Variants in DMD observed in about 807,000 individuals in gnomAD.
DMD encodes the protein dystrophin.
A neutral mutation model predicts 330.1 loss-of-function variants in DMD; 63 were observed. The ratio of observed to expected loss-of-function variants is 0.19; its 90% confidence interval spans 0.16 to 0.24. The LOEUF is 0.24. Among genes scored for constraint, DMD ranks in the 10% least tolerant of loss-of-function variants. DMD has a pLI of 1.00. For missense variants in DMD, 3,344 were observed against 2,684.1 expected (o/e 1.25, Z -5.43); for synonymous variants, 1,223 against 959.8 (o/e 1.27, Z -5.07).
chrX:32,534,157 G>A (rs1176280968), intron 17 of DMD, among the ~76,000 whole-genome samples: 3 of 111,991 alleles, frequency 2.7e-5, no homozygotes, highest in Admixed American at 9.4e-5. Flanking sequence ...CTTATTTCTC[G>A]CAGTTCTATA....
intron 1 of DMD, among the ~76,000 whole-genome samples, chrX:33,170,896 C>T (rs1603382222): frequency 9.0e-6 from 1 of 111,604 alleles, no homozygotes; most frequent in East Asian, 2.8e-4. Flanking sequence ...CCGTGGATGT[C>T]CCATTGATCC....
intron 44 of DMD, among the ~76,000 whole-genome samples, chrX:32,156,017 C>CACACACACA: frequency 1.0e-5 from 1 of 100,179 alleles, no homozygotes; most frequent in Non-Finnish European, 2.0e-5. Flanking sequence ...CACACACACA[C>CACACACACA]CTGTATAGCT....
intron 1 of DMD, among the ~76,000 whole-genome samples, chrX:33,260,089 A>C (rs1013761384): frequency 2.7e-5 from 3 of 110,858 alleles, no homozygotes; most frequent in African/African-American, 9.8e-5. Flanking sequence ...AAGGAGTACA[A>C]TTGCTAGATC....
chrX:32,736,324 T>G (rs1452476805), intron 7 of DMD, among the ~76,000 whole-genome samples: 1 of 111,497 alleles, frequency 9.0e-6, no homozygotes, highest in East Asian at 2.8e-4. Flanking sequence ...GGTGGGACTG[T>G]AAACTAGTTC....
intron 60 of DMD, among the ~76,000 whole-genome samples, chrX:31,361,465 T>C (rs2058931450): frequency 9.0e-6 from 1 of 111,204 alleles, no homozygotes; most frequent in South Asian, 3.8e-4. Context: ...TTTGAACTGA[T>C]AGTCTCTGTG....
At chrX:32,134,626 G>A (rs1393336641) in intron 44 of DMD, among the ~76,000 whole-genome samples, 2 of 111,287 alleles carry the variant, frequency 1.8e-5, no homozygotes, top group Non-Finnish European at 3.8e-5. Context: ...ACGGTGACAT[G>A]GTTTTAAAGA....
chrX:32,733,354 C>T (rs1185480823), intron 7 of DMD, among the ~76,000 whole-genome samples: 21 of 109,479 alleles, frequency 1.9e-4, no homozygotes, highest in South Asian at 4.0e-4. Flanking sequence ...GACAGATCAA[C>T]GAGACAGAAA....
At chrX:32,087,732 A>G (rs909325708) in intron 44 of DMD, among the ~76,000 whole-genome samples, 1 of 112,169 alleles carries the variant, frequency 8.9e-6, no homozygotes, top group African/African-American at 3.2e-5. Flanking sequence ...TTGTAGCTTA[A>G]AAGCCAATCT....
At chrX:31,146,168 T>C in intron 76 of DMD, 123 bp downstream of exon 76, 3 of 881,266 alleles carry the variant, frequency 3.4e-6, no homozygotes, top group Non-Finnish European at 5.0e-6. Flanking sequence ...GCCTGGTATA[T>C]GATTTTCAGT....
intron 9 of DMD, among the ~76,000 whole-genome samples, chrX:32,656,732 C>T (rs901388377): frequency 9.0e-6 from 1 of 111,596 alleles, no homozygotes; most frequent in Admixed American, 9.6e-5. Flanking sequence ...TGTAGGAAGG[C>T]GGGGACACTG....
At chrX:32,804,143 G>A (rs1286778398) in intron 7 of DMD, among the ~76,000 whole-genome samples, 1 of 111,534 alleles carries the variant, frequency 9.0e-6, no homozygotes, top group Non-Finnish European at 1.9e-5. Context: ...CACTCCCCTG[G>A]AAAGGGGGCT....
At chrX:32,862,556 C>A (rs2082146915) in intron 2 of DMD, among the ~76,000 whole-genome samples, 1 of 111,402 alleles carries the variant, frequency 9.0e-6, no homozygotes, top group Non-Finnish European at 1.9e-5. Context: ...GGTCAGTACT[C>A]ATTCATTTTA....
chrX:32,238,463 GA>G (rs2097196159), intron 43 of DMD, among the ~76,000 whole-genome samples: 1 of 110,904 alleles, frequency 9.0e-6, no homozygotes, highest in Non-Finnish European at 1.9e-5. Context: ...GAGAGAGAGA[GA>G]GAGAGAGAGA....
chrX:32,686,534 G>T (rs761908289), intron 9 of DMD, among the ~76,000 whole-genome samples: 2 of 93,001 alleles, frequency 2.2e-5, no homozygotes, highest in Non-Finnish European at 4.1e-5. Context: ...ACTTCAGCCG[G>T]GGCAACAGAG....
At chrX:32,664,295 G>T (rs1465755281) in intron 9 of DMD, among the ~76,000 whole-genome samples, 1 of 100,056 alleles carries the variant, frequency 1.0e-5, no homozygotes, top group South Asian at 5.2e-4. Flanking sequence ...AGGCTGGAGT[G>T]CAGTAGCGCG....
rs202161445 is a variant in DMD, at chrX:32,185,787, G to GA, written c.6438+31128dup. 6.5e-3 allele frequency among the ~76,000 whole-genome samples: 713 copies of GA among 110,426 alleles called. 8 individuals are homozygous for GA. The highest frequency in any genetic ancestry group is 0.021 in the African/African-American group (647 of 30,333). ...ACACATCCAAAAAGTGTATAGCATG[G>GA]AAAAATTCAATAATGTATAGCACAG... On this transcript the variant is annotated intron_variant, in intron 44 of 78. Transcript: ENST00000357033.
intron 55 of DMD, among the ~76,000 whole-genome samples, chrX:31,626,803 AAT>A (rs2078874921): frequency 8.9e-6 from 1 of 112,350 alleles, no homozygotes; most frequent in Non-Finnish European, 1.9e-5. Flanking sequence ...ATAGTTTCAT[AAT>A]AGTTTTTCAT....
intron 7 of DMD, among the ~76,000 whole-genome samples, chrX:32,704,597 C>A (rs1483966637): frequency 8.9e-6 from 1 of 112,168 alleles, no homozygotes; most frequent in Non-Finnish European, 1.9e-5. Flanking sequence ...TGTGCACTCA[C>A]AAAGCTTTAG....
intron 67 of DMD, among the ~76,000 whole-genome samples, chrX:31,185,691 G>A (rs2041696925): frequency 9.0e-6 from 1 of 110,691 alleles, no homozygotes; most frequent in Non-Finnish European, 1.9e-5. Context: ...CTGCTTCTAT[G>A]GTTTGCTATT....
Sources: allele counts gnomAD v4.1 joint callset (sites outside exome capture counted in the v4.1 genomes callset), GRCh38; gene constraint gnomAD v4.1.1; transcripts MANE v1.5; gene names NCBI Gene and HGNC (gene_info 2026-07-23, HGNC 2026-07-21).